Variants in PZP observed in about 807,000 individuals in gnomAD.
PZP encodes PZP alpha-2-macroglobulin like.
PZP carries 150 observed loss-of-function variants against 179.8 expected under a neutral mutation model. The observed-to-expected ratio is 0.83, with a 90% confidence interval of 0.73 to 0.96. The LOEUF is 0.96. PZP is among the 40% of genes least tolerant of loss of function. The probability of loss-of-function intolerance (pLI) is 0.00; values close to 1 mark genes in which losing one functional copy is unlikely to be tolerated. For missense variants in PZP, 1,689 were observed against 1,764.0 expected (o/e 0.96, Z 0.76); for synonymous variants, 624 against 652.3 (o/e 0.96, Z 0.66).
Position 9,162,635 on chromosome 12 carries a change from T to C in PZP, c.2750A>G (p.Glu917Gly). The change falls in exon 22 of 36, where the codon GAG becomes GGG. Residue 917 changes from glutamate to glycine, a missense_variant. Coordinates refer to ENST00000261336, the MANE Select transcript of PZP (RefSeq NM_002864.3). The part of the protein sequence containing the change: ...KTLLVEAEGI[E>G]QEKTFSSMTC... ...CATAGAACTGAAAGTCTTTTCTTGC[T>C]CAATACCTTCAGCCTTGGATGAAAG... 1 of 1,593,694 alleles carries C rather than the reference T, an allele frequency of 6.3e-7. No individual in the cohort carries two copies. Among genetic ancestry groups the C allele is most frequent in the Non-Finnish European group, 8.6e-7 (1 of 1,161,954 alleles).
chr12:9,172,335 G>A (rs1425094367), intron 15 of PZP, among the ~76,000 whole-genome samples: 1 of 152,134 alleles, frequency 6.6e-6, no homozygotes, highest in Non-Finnish European at 1.5e-5. Flanking sequence ...AAGAGCTCCT[G>A]AAGAAAGCAC....
In PZP at chr12:9,157,448, G is replaced by T. The variant is rs966670176; in HGVS notation, c.3370-93C>A. Reference sequence around the variant, plus strand: ...TATTGACAGTCAGATGTTATTAATAGATTTCAGACAGATAGGCAGACAGCT... The same window carrying T: ...TATTGACAGTCAGATGTTATTAATATATTTCAGACAGATAGGCAGACAGCT... On this transcript the variant is annotated intron_variant, in intron 27 of 35. Coordinates refer to ENST00000261336, the MANE Select transcript of PZP (RefSeq NM_002864.3). 11 of 1,222,978 alleles carry T rather than the reference G, an allele frequency of 9.0e-6. No homozygotes were observed. In the African/African-American group the frequency reaches 1.5e-4, roughly 17 times the overall value. The allele number at this position is 1,222,978 out of a possible 1,614,324, so 75.8% of individuals were successfully genotyped here.
chr12:9,184,561 G>A (rs750722760), intron 13 of PZP, among the ~76,000 whole-genome samples: 309 of 152,346 alleles, frequency 2.0e-3, no homozygotes, highest in African/African-American at 6.9e-3. Context: ...GCTGATGAGC[G>A]TGTACCCCAC....
chr12:9,169,349 T>A (rs958990037), intron 16 of PZP, 81 bp downstream of exon 16: 4 of 1,299,616 alleles, frequency 3.1e-6, no homozygotes, highest in Non-Finnish European at 4.2e-6. Flanking sequence ...ACATAATTAC[T>A]AAGATTATGA....
intron 31 of PZP, 92 bp downstream of exon 31, chr12:9,152,732 C>CTA: frequency 7.5e-7 from 1 of 1,329,412 alleles, no homozygotes; most frequent in Non-Finnish European, 1.0e-6. Flanking sequence ...TTATATTAAT[C>CTA]TAATAACATA....
At chr12:9,159,448 T>C (rs1941008423) in intron 25 of PZP, among the ~76,000 whole-genome samples, 1 of 152,036 alleles carries the variant, frequency 6.6e-6, no homozygotes, top group Non-Finnish European at 1.5e-5. Flanking sequence ...CCAAAACTCA[T>C]GTTAAAACTT....
rs140225298 is a variant in PZP, at chr12:9,157,085, G to C, written c.3550+90C>G. ...ATCTATCCTGATGCTCTCCCTCTCC[G>C]CACCTCCCAGACAGGCCCCAATGTG... On this transcript the variant is annotated intron_variant, in intron 28 of 35. Transcript: ENST00000261336. 4.1e-4 allele frequency: 518 copies of C among 1,272,944 alleles called. 2 individuals carry two copies. The African/African-American group carries it at 6.8e-3, about 17-fold the overall frequency. 78.9% of individuals were successfully genotyped at this position (1,272,944 alleles called of 1,614,324 possible). A position where few individuals can be genotyped will look rare whatever the true frequency, so the allele number is the denominator to read the frequency against.
intron 13 of PZP, among the ~76,000 whole-genome samples, chr12:9,184,509 C>A (rs1208374650): frequency 6.6e-6 from 1 of 152,226 alleles, no homozygotes; most frequent in Non-Finnish European, 1.5e-5. Context: ...TGAATGCCTG[C>A]ACAAAGGCCA....
chr12:9,179,003 T>G (rs1942578582), intron 15 of PZP, among the ~76,000 whole-genome samples: 1 of 152,198 alleles, frequency 6.6e-6, no homozygotes, highest in African/African-American at 2.4e-5. Flanking sequence ...AAGGTAATAA[T>G]ACCTCCCAAA....
chr12:9,162,621 A>G lies in PZP; in HGVS notation c.2764T>C (p.Phe922Leu). The G allele has an allele frequency of 6.3e-7, 1 of 1,596,840 alleles. No individual in the cohort carries two copies. Among genetic ancestry groups the G allele is most frequent in the South Asian group, 1.1e-5 (1 of 90,512 alleles). Residue 922 changes from phenylalanine to leucine, a missense_variant, in exon 22 of 36, where the codon TTC becomes CTC. This residue lies in a region of PZP where 746 missense variants were observed against 749.2 expected (regional missense o/e 1.00). Coordinates refer to ENST00000261336, the MANE Select transcript of PZP (RefSeq NM_002864.3). ...EAEGIEQEKT[F>L]SSMTCASGAN... is the part of the protein sequence containing the mutation. ...CCTGAGGCACAGGTCATAGAACTGA[A>G]AGTCTTTTCTTGCTCAATACCTTCA...
chr12:9,149,110 G>C, intron 35 of PZP, 116 bp from the exon 36 acceptor site: 1 of 899,298 alleles, frequency 1.1e-6, no homozygotes, highest in Non-Finnish European at 1.8e-6. Flanking sequence ...AAGGCCAGAT[G>C]GTAATTATTT....
Position 9,197,042 on chromosome 12 carries a change from C to A in PZP, c.837G>T (p.Lys279Asn), listed in dbSNP as rs1943817328. ...GACTGAATTCCTCACAGACCTCCTGCTTGTCACAATTAAGAACACGAGATA... is the reference window on the plus strand; with the variant it reads ...GACTGAATTCCTCACAGACCTCCTGATTGTCACAATTAAGAACACGAGATA... ...RKLSRVLNCDKQEVCEEFSQQ... is the reference protein window; with the variant it reads ...RKLSRVLNCDNQEVCEEFSQQ... The change falls in exon 8 of 36, where the codon AAG becomes AAT. Residue 279 changes from lysine (K) to asparagine (N), a missense_variant. This residue lies in a region of PZP where 742 missense variants were observed against 730.5 expected (regional missense o/e 1.02). Coordinates refer to ENST00000261336, the MANE Select transcript of PZP (RefSeq NM_002864.3). 1.2e-6 allele frequency: 2 copies of A among 1,613,438 alleles called. No homozygotes were observed. The highest frequency in any genetic ancestry group is 2.2e-5 in the South Asian group (2 of 91,038).
chr12:9,146,499 T>A (rs1254991297), downstream of PZP, among the ~76,000 whole-genome samples: 1 of 152,162 alleles, frequency 6.6e-6, no homozygotes, highest in East Asian at 1.9e-4. Context: ...TCCATTTCAT[T>A]AGTGTTAATT....
At chr12:9,203,337 C>CTTTTT (rs528084441) in intron 2 of PZP, among the ~76,000 whole-genome samples, 3 of 114,590 alleles carry the variant, frequency 2.6e-5, no homozygotes, top group Admixed American at 1.0e-4. Flanking sequence ...AACTACATTC[C>CTTTTT]TTTTTTTTTT....
intron 15 of PZP, among the ~76,000 whole-genome samples, chr12:9,179,753 A>G (rs1289462704): frequency 6.6e-6 from 1 of 152,138 alleles, no homozygotes; most frequent in Non-Finnish European, 1.5e-5. Flanking sequence ...TAATTTACTC[A>G]CTCTTTTAAA....
chr12:9,166,307 G>C (rs1399073302), intron 17 of PZP, 105 bp from the exon 18 acceptor site: 2 of 1,039,644 alleles, frequency 1.9e-6, no homozygotes, highest in African/African-American at 3.3e-5. Flanking sequence ...TGCTCAGACT[G>C]TCCTAAAAGT....
chr12:9,192,617 A>C lies in PZP; in HGVS notation c.1377T>G (p.Pro459=). The C allele has an allele frequency of 6.2e-7, 1 of 1,614,174 alleles. No individual in the cohort carries two copies. The highest frequency in any genetic ancestry group is 1.3e-5 in the African/African-American group (1 of 75,056). The change falls in exon 12 of 36, where the codon CCT becomes CCG. Residue 459 remains proline, a synonymous_variant. Transcript: ENST00000261336. The stretch of plus-strand genomic sequence containing the variant: ...GGCCACAGGGCAGGGTACCAGCCAC[A>C]GGCTCCAGGTGAATGTAACTTCCAC... ...SLSGSYIHLE[P]VAGTLPCGHT... is the part of the protein sequence containing the mutation.
At chr12:9,186,475 G>A (rs1284842570) in intron 13 of PZP, among the ~76,000 whole-genome samples, 1 of 152,134 alleles carries the variant, frequency 6.6e-6, no homozygotes, top group Non-Finnish European at 1.5e-5. Flanking sequence ...AGATGAAGAA[G>A]CAAGACTCAG....
At chr12:9,166,239 A>T in intron 17 of PZP, 37 bp from the exon 18 acceptor site, 1 of 1,599,524 alleles carries the variant, frequency 6.3e-7, no homozygotes, top group Non-Finnish European at 8.5e-7. Context: ...AGGGAAAAAC[A>T]TTCATTAATT....
Sources: gnomAD v4.1 joint callset for allele counts (sites outside exome capture counted in the v4.1 genomes callset) on GRCh38, gnomAD v4.1.1 for gene constraint, gnomAD v4.1.1 regional missense constraint, MANE v1.5 for transcripts, NCBI Gene and HGNC (gene_info 2026-07-23, HGNC 2026-07-21) for gene names.